The following PSMA5 variants were observed in gnomAD, a reference collection of about 807,000 sequenced individuals.
PSMA5 encodes the protein proteasome subunit alpha type-5.
A neutral mutation model predicts 34.5 loss-of-function variants in PSMA5; 3 were observed. That is an observed-to-expected ratio of 0.09 (90% CI 0.04 to 0.22). PSMA5 has a LOEUF of 0.22. Among genes scored for constraint, PSMA5 ranks in the 10% least tolerant of loss-of-function variants. PSMA5 has a pLI of 1.00. For synonymous variants in PSMA5, 88 were observed against 95.8 expected (o/e 0.92, Z 0.47); for missense variants, 120 against 286.1 (o/e 0.42, Z 4.19).
chr1:109,403,148 C>G (rs138090467), intron 8 of PSMA5, among the ~76,000 whole-genome samples: 1 of 152,232 alleles, frequency 6.6e-6, no homozygotes, highest in Non-Finnish European at 1.5e-5. Context: ...CAATAAAAAA[C>G]TAGGGTCAGA....
intron 8 of PSMA5, among the ~76,000 whole-genome samples, chr1:109,407,134 C>A (rs10858093): frequency 1.3e-5 from 2 of 152,040 alleles, no homozygotes; most frequent in Non-Finnish European, 2.9e-5. Flanking sequence ...TATAGGCGCC[C>A]GCCACCATAC....
At chr1:109,413,157 G>GA (rs1250374666) in intron 3 of PSMA5, 22 bp from the exon 4 acceptor site, 1 of 1,610,164 alleles carries the variant, frequency 6.2e-7, no homozygotes, top group East Asian at 2.2e-5. Flanking sequence ...AAGCGACAGT[G>GA]ACCCAGTGGC....
intron 8 of PSMA5, among the ~76,000 whole-genome samples, chr1:109,406,415 A>G (rs1281935583): frequency 6.6e-6 from 1 of 152,224 alleles, no homozygotes; most frequent in Non-Finnish European, 1.5e-5. Flanking sequence ...GCCAAGTGAA[A>G]GAAGTATAGT....
chr1:109,410,270 G>A (rs3768492), intron 7 of PSMA5, among the ~76,000 whole-genome samples: 1,836 of 152,278 alleles, frequency 0.012, 32 homozygotes, highest in Admixed American at 0.059. Flanking sequence ...TTTGAAGAAG[G>A]GGAAAGGGAT....
chr1:109,426,434 T>G lies in PSMA5; in HGVS notation c.-104A>C, dbSNP rs1220563777. The G allele has an allele frequency of 7.0e-7, 1 of 1,436,728 alleles. No individual in the cohort carries two copies. Among genetic ancestry groups the G allele is most frequent in the Non-Finnish European group, 9.8e-7 (1 of 1,019,218 alleles). 89.0% of individuals were successfully genotyped at this position (1,436,728 alleles called of 1,614,324 possible). A position where few individuals can be genotyped will look rare whatever the true frequency, so the allele number is the denominator to read the frequency against. Reference sequence around the variant, plus strand: ...AGCCAACTCACCCACACGGCCGCAGTACTAAGGACCAACTGCGCGTGCGAC... The same window carrying G: ...AGCCAACTCACCCACACGGCCGCAGGACTAAGGACCAACTGCGCGTGCGAC... On this transcript the variant is annotated 5_prime_UTR_variant, in exon 1 of 9. Transcript: ENST00000271308.
At chr1:109,419,551 T>C (rs1365545156) in intron 2 of PSMA5, among the ~76,000 whole-genome samples, 1 of 151,990 alleles carries the variant, frequency 6.6e-6, no homozygotes, top group African/African-American at 2.4e-5. Flanking sequence ...ACATCTGTAA[T>C]CCCAGCACTC....
At chr1:109,423,860 T>C (rs911408971) in intron 1 of PSMA5, among the ~76,000 whole-genome samples, 1 of 152,164 alleles carries the variant, frequency 6.6e-6, no homozygotes, top group African/African-American at 2.4e-5. Flanking sequence ...ATTCAGACAA[T>C]TAATCTCTGT....
chr1:109,418,053 A>C (rs1249294739), intron 2 of PSMA5, among the ~76,000 whole-genome samples: 1 of 151,876 alleles, frequency 6.6e-6, no homozygotes, highest in Non-Finnish European at 1.5e-5. Context: ...GCAAAACTTT[A>C]CCTCCACAAA....
chr1:109,409,994 G>T lies in PSMA5; in HGVS notation c.582C>A (p.Ala194=). The T allele has an allele frequency of 6.2e-7, 1 of 1,606,678 alleles. No individual in the cohort carries two copies. The highest frequency in any genetic ancestry group is 8.5e-7 in the Non-Finnish European group (1 of 1,174,438). The part of the protein sequence containing the change: ...VYHKSMTLKE[A]IKSSLIILKQ... ...TGAGGATGATGAGTGAAGACTTGAT[G>T]GCTTCTTTCAAAGTCATAGACTTGA... The change falls in exon 8 of 9, where the codon GCC becomes GCA. Residue 194 remains alanine, a synonymous_variant. Transcript: ENST00000271308.
chr1:109,404,186 T>C (rs1255200984), intron 8 of PSMA5, among the ~76,000 whole-genome samples: 7 of 152,056 alleles, frequency 4.6e-5, no homozygotes, highest in Non-Finnish European at 1.0e-4. Context: ...TAGTCGGGCA[T>C]GGTGGCACAC....
chr1:109,424,793 C>G (rs1380631517), intron 1 of PSMA5, among the ~76,000 whole-genome samples: 1 of 152,186 alleles, frequency 6.6e-6, no homozygotes, highest in Non-Finnish European at 1.5e-5. Context: ...TCGAGACCAT[C>G]CTGGCCAACA....
chr1:109,421,018 CAAAAAAA>C (rs60663577), intron 2 of PSMA5, among the ~76,000 whole-genome samples: 5 of 87,716 alleles, frequency 5.7e-5, no homozygotes, highest in African/African-American at 1.3e-4. Flanking sequence ...ACATCTCTAC[CAAAAAAA>C]AAAAAAAAAA....
At position 109,426,411 on chromosome 1, in the gene PSMA5, C is replaced by G; in HGVS notation, c.-81G>C. The G allele has an allele frequency of 6.4e-7, 1 of 1,555,296 alleles. No individual in the cohort carries two copies. The highest frequency in any genetic ancestry group is 2.2e-5 in the East Asian group (1 of 44,568). ...CCACCGGCACCCAACTCACCGGCAG[C>G]CAACTCACCCACACGGCCGCAGTAC... On this transcript the variant is annotated 5_prime_UTR_variant, in exon 1 of 9. Transcript: ENST00000271308.
intron 2 of PSMA5, among the ~76,000 whole-genome samples, chr1:109,420,204 AT>A (rs148949145): frequency 0.016 from 2,467 of 152,306 alleles, 70 homozygotes; most frequent in African/African-American, 0.057. Context: ...AGTTATACTA[AT>A]GTAACTATTG....
Position 109,401,158 on chromosome 1 carries a change from C to T in PSMA5, c.*855G>A, listed in dbSNP as rs951021709. The T allele has an allele frequency of 3.3e-5, 5 of 152,268 alleles. No individual in the cohort carries two copies. In the South Asian group the frequency reaches 1.0e-3, roughly 32 times the overall value. 9.4% of individuals were successfully genotyped at this position (152,268 alleles called of 1,614,324 possible). ...AATGGGGAAAGTTCATCATTCATTC[C>T]AAAGTCTAATGTAAACTGCTTCTGA... On this transcript the variant is annotated 3_prime_UTR_variant, in exon 9 of 9. Coordinates refer to ENST00000271308, the MANE Select transcript of PSMA5 (RefSeq NM_002790.4).
intron 1 of PSMA5, chr1:109,426,024 T>C (rs1444725110): frequency 3.6e-6 from 2 of 560,904 alleles, no homozygotes; most frequent in Non-Finnish European, 6.4e-6. Flanking sequence ...AAGGTAGGAG[T>C]TCCGGCTCCT....
At chr1:109,424,559 C>G (rs534657150) in intron 1 of PSMA5, among the ~76,000 whole-genome samples, 1 of 152,156 alleles carries the variant, frequency 6.6e-6, no homozygotes, top group African/African-American at 2.4e-5. Flanking sequence ...AGGTGGACCA[C>G]GAGGTCAGGA....
intron 2 of PSMA5, among the ~76,000 whole-genome samples, chr1:109,417,648 C>A (rs10745356): frequency 0.7 from 106,252 of 152,030 alleles, 37,678 homozygotes; most frequent in East Asian, 0.96. Flanking sequence ...GTAAAAATTT[C>A]CAAACCAAAT....
At chr1:109,411,693 T>A (rs1653996500) in intron 6 of PSMA5, among the ~76,000 whole-genome samples, 184 bp downstream of exon 6, 1 of 152,094 alleles carries the variant, frequency 6.6e-6, no homozygotes, top group South Asian at 2.1e-4. Context: ...TGATCATAGC[T>A]CACTACAGCC....
Sources: gnomAD v4.1 joint callset for allele counts (sites outside exome capture counted in the v4.1 genomes callset) on GRCh38, gnomAD v4.1.1 for gene constraint, MANE v1.5 for transcripts, NCBI Gene and HGNC (gene_info 2026-07-23, HGNC 2026-07-21) for gene names.